AKR1C3: variants seen among roughly 807,000 people sequenced by gnomAD.
AKR1C3 encodes the protein 3-alpha hydroxysteroid dehydrogenase, type II.
Under a neutral mutation model 43.6 loss-of-function variants are expected in AKR1C3, and 48 were observed. The ratio of observed to expected loss-of-function variants is 1.10; its 90% CI spans 0.87 to 1.40. The LOEUF is 1.40. Among genes scored for constraint, AKR1C3 ranks in the 40% most tolerant of loss-of-function variants. The pLI is 0.00. For synonymous variants in AKR1C3, 162 were observed against 139.6 expected, an observed-to-expected ratio of 1.16 and a Z score of -1.13; for missense variants, 482 against 391.2, an observed-to-expected ratio of 1.23 and a Z score of -1.96.
At chr10:5,090,560 T>G (rs1839068114), upstream of AKR1C3, among the ~76,000 whole-genome samples, 1 of 152,116 alleles carries the variant, frequency 6.6e-6, no homozygotes, top group South Asian at 2.1e-4. Context: ...GACAGCTTTG[T>G]GGCTCTCATG....
At chr10:5,050,454 A>G (rs1203937966) in intron 1 of AKR1C3, among the ~76,000 whole-genome samples, 2 of 152,244 alleles carry the variant, frequency 1.3e-5, no homozygotes, top group African/African-American at 4.8e-5. Context: ...AGTCATAGAC[A>G]GTAACTCATG....
intron 1 of AKR1C3, 48 bp from the exon 2 acceptor site, chr10:5,096,362 C>A: frequency 1.3e-6 from 2 of 1,583,146 alleles, no homozygotes; most frequent in South Asian, 1.2e-5. Flanking sequence ...CCTGAACTAC[C>A]TCTCAGCCAC....
At chr10:5,097,069 A>G (rs56357054) in intron 2 of AKR1C3, among the ~76,000 whole-genome samples, 9,451 of 152,178 alleles carry the variant, frequency 0.062, 347 homozygotes, top group Middle Eastern at 0.085. Flanking sequence ...TTTAGTTTCT[A>G]AGCAACATAA....
At chr10:5,068,170 A>T (rs1172152489) in intron 1 of AKR1C3, among the ~76,000 whole-genome samples, 1 of 132,352 alleles carries the variant, frequency 7.6e-6, no homozygotes, top group Non-Finnish European at 1.6e-5. Flanking sequence ...ATAGTAACAT[A>T]ATAATCATAA....
chr10:5,076,822 A>C (rs559048429), intron 1 of AKR1C3, among the ~76,000 whole-genome samples: 1 of 152,176 alleles, frequency 6.6e-6, no homozygotes, highest in Non-Finnish European at 1.5e-5. Flanking sequence ...GCCATTACCC[A>C]GCCAAAGGAG....
chr10:5,052,761 G>GGA (rs1838178287), intron 1 of AKR1C3, among the ~76,000 whole-genome samples: 1 of 151,776 alleles, frequency 6.6e-6, no homozygotes, highest in African/African-American at 2.4e-5. Flanking sequence ...GGACACAAAG[G>GGA]TTCTCCAAGT....
At chr10:5,059,502 C>T (rs1317236373) in intron 1 of AKR1C3, among the ~76,000 whole-genome samples, 1 of 152,092 alleles carries the variant, frequency 6.6e-6, no homozygotes, top group Non-Finnish European at 1.5e-5. Context: ...ACCCTTGGCT[C>T]AGCCCAGAAA....
At chr10:5,098,957 T>C in intron 4 of AKR1C3, 78 bp downstream of exon 4, 1 of 1,179,526 alleles carries the variant, frequency 8.5e-7, no homozygotes, top group South Asian at 1.4e-5. Context: ...TAGGAAAGAA[T>C]GGAATATGCA....
Position 5,102,143 on chromosome 10 carries a change from T to A in AKR1C3, c.613T>A (p.Phe205Ile). The stretch of plus-strand genomic sequence containing the variant: ...TTTCAACCGGAGTAAATTGCTAGAT[T>A]TCTGCAAGTCGAAAGATATTGTTCT... ...PYFNRSKLLD[F>I]CKSKDIVLVA... Residue 205 changes from phenylalanine (F) to isoleucine (I), a missense_variant, in exon 6 of 9, where the codon TTC (phenylalanine) becomes ATC (isoleucine). Physicochemically the swap from Phe to Ile is conservative, Grantham distance 21. Transcript: ENST00000380554. The A allele has an allele frequency of 6.2e-7, 1 of 1,614,142 alleles. No homozygotes were observed. The highest frequency in any genetic ancestry group is 8.5e-7 in the Non-Finnish European group (1 of 1,179,994).
At position 5,078,024 on chromosome 10, in the gene AKR1C3, A is replaced by G. The variant is rs969516634; in HGVS notation, c.85-18386A>G. ...AGATGTGACATTGTCAGTGAGCTGA[A>G]AATATGATTACTATATTTTGTAAAT... On this transcript the variant is annotated intron_variant, in intron 1 of 8. Coordinates refer to the AKR1C3 transcript ENST00000439082. The G allele has an allele frequency of 1.2e-5, 8 of 670,852 alleles. No individual in the cohort carries two copies. The Admixed American group carries it at 1.2e-4, about 10-fold the overall frequency. The allele number at this position is 670,852 out of a possible 1,614,324, so 41.6% of individuals were successfully genotyped here.
chr10:5,079,320 G>A (rs1384692990), intron 1 of AKR1C3, among the ~76,000 whole-genome samples: 3 of 152,098 alleles, frequency 2.0e-5, no homozygotes, highest in Non-Finnish European at 2.9e-5. Context: ...CACTCAAAAT[G>A]TACTTTTTTG....
chr10:5,094,125 A>G (rs373643022), upstream of AKR1C3: 20 of 194,828 alleles, frequency 1.0e-4, no homozygotes, highest in East Asian at 1.9e-3. Context: ...TATGGTTGCT[A>G]TTTGTTCTAC....
intron 1 of AKR1C3, among the ~76,000 whole-genome samples, chr10:5,070,424 C>T (rs986429917): frequency 2.6e-5 from 4 of 152,186 alleles, no homozygotes; most frequent in African/African-American, 7.2e-5. Context: ...TGGGCCTGAG[C>T]GTAGTGGCTC....
chr10:5,063,055 T>C (rs1838414789), intron 1 of AKR1C3, among the ~76,000 whole-genome samples: 1 of 152,148 alleles, frequency 6.6e-6, no homozygotes, highest in African/African-American at 2.4e-5. Flanking sequence ...CTAACAGCCA[T>C]TTAGACCTAT....
At chr10:5,053,720 T>C (rs142380909) in intron 1 of AKR1C3, among the ~76,000 whole-genome samples, 2,229 of 152,308 alleles carry the variant, frequency 0.015, 53 homozygotes, top group African/African-American at 0.051. Flanking sequence ...CAATGACTGC[T>C]CTAGCTAATT....
At chr10:5,101,651 C>T (rs1304373309) in intron 5 of AKR1C3, among the ~76,000 whole-genome samples, 1 of 152,136 alleles carries the variant, frequency 6.6e-6, no homozygotes, top group Non-Finnish European at 1.5e-5. Context: ...CATTCTTACC[C>T]AATGGGTAGA....
At chr10:5,079,466 G>A (rs1037515507) in intron 1 of AKR1C3, among the ~76,000 whole-genome samples, 10 of 152,106 alleles carry the variant, frequency 6.6e-5, no homozygotes, top group African/African-American at 2.2e-4. Context: ...GTGAACAGAG[G>A]AGAAAAGCAT....
intron 1 of AKR1C3, among the ~76,000 whole-genome samples, chr10:5,052,219 T>G (rs574485204): frequency 5.3e-4 from 81 of 152,232 alleles, no homozygotes; most frequent in African/African-American, 1.9e-3. Context: ...TGTTCATTCC[T>G]CCTGGTGGGT....
Position 5,105,645 on chromosome 10 carries a change from A to C in AKR1C3, c.897A>C (p.Leu299=), listed in dbSNP as rs141249847. The C allele has an allele frequency of 6.2e-7, 1 of 1,613,900 alleles. No individual in the cohort carries two copies. Among genetic ancestry groups the C allele is most frequent in the Non-Finnish European group, 8.5e-7 (1 of 1,179,900 alleles). Reference sequence around the variant, plus strand: ...AGGACATGAAAGCCATAGATGGCCTAGACAGAAATCTCCACTATTTTAACA... The same window carrying C: ...AGGACATGAAAGCCATAGATGGCCTCGACAGAAATCTCCACTATTTTAACA... The part of the protein sequence containing the change: ...TAEDMKAIDG[L]DRNLHYFNSD... The change falls in exon 8 of 9, where the codon CTA becomes CTC. Residue 299 remains leucine (L), a synonymous_variant. Transcript: ENST00000380554.
Sources: gnomAD v4.1 joint callset for allele counts (sites outside exome capture counted in the v4.1 genomes callset) on GRCh38, gnomAD v4.1.1 for gene constraint, MANE v1.5 for transcripts, NCBI Gene and HGNC (gene_info 2026-07-23, HGNC 2026-07-21) for gene names.